The following CADM2 variants were observed in gnomAD, a reference collection of about 807,000 sequenced individuals.
CADM2 encodes immunoglobulin superfamily member 4D.
CADM2 carries 12 observed loss-of-function variants against 49.8 expected under a neutral mutation model. That is an observed-to-expected ratio of 0.24 (90% CI 0.15 to 0.39). The LOEUF (loss-of-function observed/expected upper bound fraction) is 0.39, where lower values mean the gene tolerates loss of function less well. Ranked by LOEUF, CADM2 falls within the 10% of genes least tolerant of loss-of-function variation. The probability of loss-of-function intolerance (pLI) is 1.00; values close to 1 mark genes in which losing one functional copy is unlikely to be tolerated. For missense variants in CADM2, 378 were observed against 492.3 expected, an observed-to-expected ratio of 0.77 and a Z score of 2.20; for synonymous variants, 214 against 175.4, an observed-to-expected ratio of 1.22 and a Z score of -1.74.
At chr3:85,266,872 C>A (rs534218738) in intron 1 of CADM2, among the ~76,000 whole-genome samples, 1 of 151,740 alleles carries the variant, frequency 6.6e-6, no homozygotes, top group Non-Finnish European at 1.5e-5. Context: ...ATGAAAACAT[C>A]CATTTAAAAA....
At chr3:85,979,596 A>G (rs1489162713) in intron 8 of CADM2, among the ~76,000 whole-genome samples, 1 of 151,680 alleles carries the variant, frequency 6.6e-6, no homozygotes, top group Non-Finnish European at 1.5e-5. Context: ...CTTGAGAGGT[A>G]AACAAATAAA....
At chr3:85,146,594 T>C (rs1263035964) in intron 1 of CADM2, among the ~76,000 whole-genome samples, 1 of 152,244 alleles carries the variant, frequency 6.6e-6, no homozygotes, top group Non-Finnish European at 1.5e-5. Flanking sequence ...GTAATTACTC[T>C]GTTGTCACAT....
At chr3:85,745,307 T>C (rs1008180525) in intron 2 of CADM2, among the ~76,000 whole-genome samples, 5 of 152,202 alleles carry the variant, frequency 3.3e-5, no homozygotes, top group African/African-American at 1.2e-4. Context: ...CTAGTAATCA[T>C]TCAACATTTT....
chr3:85,869,646 T>C (rs1260214400), intron 3 of CADM2, among the ~76,000 whole-genome samples: 1 of 152,002 alleles, frequency 6.6e-6, no homozygotes, highest in Non-Finnish European at 1.5e-5. Flanking sequence ...TCTGCCTACA[T>C]TTTTTATATT....
chr3:85,432,974 A>C, intron 1 of CADM2, among the ~76,000 whole-genome samples: 1 of 152,242 alleles, frequency 6.6e-6, no homozygotes, highest in African/African-American at 2.4e-5. Flanking sequence ...ATTTGAGAAA[A>C]AAAATACAAC....
chr3:86,023,826 T>G (rs1366358942), intron 8 of CADM2, among the ~76,000 whole-genome samples: 1 of 152,198 alleles, frequency 6.6e-6, no homozygotes, highest in Non-Finnish European at 1.5e-5. Context: ...CTGTCTTAAC[T>G]TCAGCCCCAA....
rs11923767 is a variant in CADM2 at position 86,033,217 on chromosome 3, G to A, written c.971-32388G>A. ...CACCTCACTCATCACAGTCACCAAAGACATCTGTGGTTCTAAATTTCATGG... is the reference window on the plus strand; with the variant it reads ...CACCTCACTCATCACAGTCACCAAAAACATCTGTGGTTCTAAATTTCATGG... On this transcript the variant is annotated intron_variant, in intron 8 of 9. Transcript: ENST00000383699. Among the ~76,000 whole-genome samples, 727 of 152,012 alleles carry A rather than the reference G, an allele frequency of 4.8e-3. 5 individuals carry two copies. The highest frequency in any genetic ancestry group is 0.017 in the African/African-American group (691 of 41,532).
chr3:85,373,061 C>G (rs1255235025), intron 1 of CADM2, among the ~76,000 whole-genome samples: 1 of 152,064 alleles, frequency 6.6e-6, no homozygotes, highest in African/African-American at 2.4e-5. Flanking sequence ...ATTTCAAAAC[C>G]AATCATGGCT....
At chr3:85,229,152 C>A (rs984921702) in intron 1 of CADM2, among the ~76,000 whole-genome samples, 3 of 152,106 alleles carry the variant, frequency 2.0e-5, no homozygotes, top group African/African-American at 7.2e-5. Flanking sequence ...GGTGGACGAC[C>A]CTCCCCCAAC....
intron 2 of CADM2, among the ~76,000 whole-genome samples, chr3:85,756,735 A>G (rs943884176): frequency 1.3e-5 from 2 of 152,206 alleles, no homozygotes; most frequent in African/African-American, 4.8e-5. Flanking sequence ...AGATTATATT[A>G]CTAACTTTTT....
intron 1 of CADM2, among the ~76,000 whole-genome samples, chr3:85,347,606 T>A (rs868747783): frequency 2.9e-5 from 4 of 140,094 alleles, no homozygotes; most frequent in Non-Finnish European, 6.1e-5. Context: ...TACATATATA[T>A]AAAAATATAT....
chr3:85,692,075 T>G (rs1216267861), intron 1 of CADM2, among the ~76,000 whole-genome samples: 1 of 152,060 alleles, frequency 6.6e-6, no homozygotes, highest in Non-Finnish European at 1.5e-5. Context: ...TGTATACATA[T>G]GTAACAAACC....
chr3:85,404,229 A>G (rs1208282086), intron 1 of CADM2, among the ~76,000 whole-genome samples: 1 of 151,974 alleles, frequency 6.6e-6, no homozygotes, highest in African/African-American at 2.4e-5. Context: ...TCATCCCACC[A>G]CCTCACTTTT....
At chr3:85,864,449 A>C (rs1356087286) in intron 3 of CADM2, among the ~76,000 whole-genome samples, 3 of 152,162 alleles carry the variant, frequency 2.0e-5, no homozygotes, top group East Asian at 3.9e-4. Context: ...ATTTACAGCA[A>C]TTATTTATTG....
chr3:85,331,643 T>C (rs557915759), intron 1 of CADM2, among the ~76,000 whole-genome samples: 1 of 151,988 alleles, frequency 6.6e-6, no homozygotes, highest in African/African-American at 2.4e-5. Flanking sequence ...AGACCCAACA[T>C]TGAGATTGCT....
At chr3:86,065,868 A>G in intron 9 of CADM2, 138 bp downstream of exon 9, 1 of 843,532 alleles carries the variant, frequency 1.2e-6, no homozygotes. Context: ...AAATTATTTC[A>G]GCGAATTCTT....
At chr3:85,032,193 G>A (rs1193104427) in intron 1 of CADM2, among the ~76,000 whole-genome samples, 2 of 148,724 alleles carry the variant, frequency 1.3e-5, no homozygotes, top group African/African-American at 5.0e-5. Flanking sequence ...CTTTCTAGAA[G>A]GTTTGGTAGT....
intron 1 of CADM2, among the ~76,000 whole-genome samples, chr3:85,118,786 G>T (rs769925384): frequency 6.6e-6 from 1 of 152,256 alleles, no homozygotes; most frequent in East Asian, 1.9e-4. Context: ...TTTCACTCTT[G>T]TTGACCAGGC....
intron 1 of CADM2, among the ~76,000 whole-genome samples, chr3:85,162,063 A>C: frequency 6.6e-6 from 1 of 152,086 alleles, no homozygotes; most frequent in East Asian, 1.9e-4. Context: ...TTTGTCTTTT[A>C]ACCGTCAGTG....
Sources: allele counts gnomAD v4.1 joint callset (sites outside exome capture counted in the v4.1 genomes callset), GRCh38; gene constraint gnomAD v4.1.1; transcripts MANE v1.5; gene names NCBI Gene and HGNC (gene_info 2026-07-23, HGNC 2026-07-21).